TRMT1: variants seen among roughly 807,000 people sequenced by gnomAD.
TRMT1 encodes tRNA methyltransferase 1.
A neutral mutation model predicts 75.4 loss-of-function variants in TRMT1; 63 were observed. That is an observed-to-expected ratio of 0.84 (90% CI 0.68 to 1.03). TRMT1 has a LOEUF of 1.03. TRMT1 is among the 50% of genes least tolerant of loss of function. The probability of loss-of-function intolerance (pLI) is 0.00; values close to 1 mark genes in which losing one functional copy is unlikely to be tolerated. For synonymous variants in TRMT1, 382 were observed against 358.1 expected (o/e 1.07, Z -0.75); for missense variants, 870 against 905.3 (o/e 0.96, Z 0.50).
At chr19:13,107,518 A>G (rs938505969) in intron 14 of TRMT1, 56 bp downstream of exon 14, 3 of 1,544,826 alleles carry the variant, frequency 1.9e-6, no homozygotes, top group Non-Finnish European at 2.6e-6. Flanking sequence ...CTGCACACAC[A>G]TGTGCTTCCA....
At chr19:13,109,132 G>GTA (rs1431011350) in intron 12 of TRMT1, among the ~76,000 whole-genome samples, 1 of 151,484 alleles carries the variant, frequency 6.6e-6, no homozygotes, top group Non-Finnish European at 1.5e-5. Context: ...GTATGTGTGT[G>GTA]TATATGTATG....
Position 13,105,483 on chromosome 19 carries a change from TCACCCTGGC to T in TRMT1, c.1698_1703+3del. 1 of 1,613,824 alleles carries T rather than the reference TCACCCTGGC, an allele frequency of 6.2e-7. No individual in the cohort carries two copies. Among genetic ancestry groups the T allele is most frequent in the South Asian group, 1.1e-5 (1 of 91,072 alleles). On this transcript the variant is annotated splice_donor_variant and splice_donor_region_variant and coding_sequence_variant and intron_variant, in exon 15 of 17. Coordinates refer to ENST00000357720, the MANE Select transcript of TRMT1 (RefSeq NM_001136035.4). LOFTEE classifies it high-confidence loss of function. ...AGCCCCACCCCCACCTTACCACCAC[TCACCCTGGC>T]CGGGCACGAGGCCGGGGACCCCAGT... is the stretch of plus-strand genomic sequence containing the variant.
In TRMT1 at chr19:13,109,632, C is replaced by T. The variant is rs143782952; in HGVS notation, c.1229G>A (p.Arg410His). 30 of 1,613,958 alleles carry T rather than the reference C, an allele frequency of 1.9e-5. 1 individual carries two copies. The highest frequency in any genetic ancestry group is 6.7e-5 in the African/African-American group (5 of 75,026). The change falls in exon 11 of 17, where the codon CGT becomes CAT. Residue 410 changes from arginine (R) to histidine (H), a missense_variant. Arg to His is a conservative substitution (Grantham distance 29, BLOSUM62 0). Transcript: ENST00000357720. Reference sequence around the variant, plus strand: ...GTTAGCGCTCACAGCCTCCAGGACACGGCCCACAAAATCCAGGTCATGGAT... The same window carrying T: ...GTTAGCGCTCACAGCCTCCAGGACATGGCCCACAAAATCCAGGTCATGGAT... ...EPIHDLDFVG[R>H]VLEAVSANPG...
In TRMT1 at chr19:13,105,410, G is replaced by T; in HGVS notation, c.1704-14C>A. The stretch of plus-strand genomic sequence containing the variant: ...GCCGCCTTGCCCCTGTGCGAGGGGA[G>T]GAGTAGGTGGGACCCCATCTGCCCT... On this transcript the variant is annotated splice_polypyrimidine_tract_variant and intron_variant, in intron 15 of 16. Transcript: ENST00000357720. 6.2e-7 allele frequency: 1 copy of T among 1,613,608 alleles called. No individual in the cohort carries two copies. The highest frequency in any genetic ancestry group is 8.5e-7 in the Non-Finnish European group (1 of 1,179,964).
chr19:13,110,043 C>G, intron 8 of TRMT1, 42 bp from the exon 9 acceptor site: 1 of 1,612,412 alleles, frequency 6.2e-7, no homozygotes. Flanking sequence ...AGCGTGACCA[C>G]GACACCCCAA....
At chr19:13,105,746 A>C in intron 14 of TRMT1, 140 bp from the exon 15 acceptor site, 2 of 931,548 alleles carry the variant, frequency 2.1e-6, no homozygotes, top group Non-Finnish European at 3.2e-6. Context: ...CATCTAATAA[A>C]CATTTTTGGT....
intron 3 of TRMT1, 56 bp downstream of exon 3, chr19:13,115,941 G>A: frequency 6.2e-7 from 1 of 1,613,242 alleles, no homozygotes; most frequent in Non-Finnish European, 8.5e-7. Flanking sequence ...AAGAGCCCAG[G>A]CAGGGAGATA....
chr19:13,109,268 G>C lies in TRMT1; in HGVS notation c.1397+113C>G, dbSNP rs10407763. 22,994 of 1,236,590 alleles carry C rather than the reference G, an allele frequency of 0.019. 2,088 individuals carry two copies. In the African/African-American group the frequency reaches 0.24, roughly 13 times the overall value. 76.6% of individuals were successfully genotyped at this position (1,236,590 alleles called of 1,614,324 possible). A position where few individuals can be genotyped will look rare whatever the true frequency, so the allele number is the denominator to read the frequency against. Reference sequence around the variant, plus strand: ...GTACTGGGATTACAGGAATGAGACAGTGCACCGGGTTCTCCCCACCCCCTC... The same window carrying C: ...GTACTGGGATTACAGGAATGAGACACTGCACCGGGTTCTCCCCACCCCCTC... On this transcript the variant is annotated intron_variant, in intron 12 of 16. Coordinates refer to ENST00000357720, the MANE Select transcript of TRMT1 (RefSeq NM_001136035.4).
chr19:13,108,817 C>G (rs1432067848), intron 12 of TRMT1, among the ~76,000 whole-genome samples: 1 of 151,904 alleles, frequency 6.6e-6, no homozygotes, highest in Non-Finnish European at 1.5e-5. Flanking sequence ...ACCATTTTGA[C>G]CACGCTGGTC....
chr19:13,115,834 C>A, intron 3 of TRMT1, 66 bp from the exon 4 acceptor site: 8 of 1,609,208 alleles, frequency 5.0e-6, no homozygotes, highest in Non-Finnish European at 6.8e-6. Context: ...TCCCCTTAAT[C>A]TCCAAAATAT....
chr19:13,107,827 G>A lies in TRMT1; in HGVS notation c.1430C>T (p.Ser477Leu), dbSNP rs2018949082. ...SALLHADFRVSLSHACKNAVK... is the reference protein window; with the variant it reads ...SALLHADFRVLLSHACKNAVK... ...AGCGTTCTTACAGGCGTGGGAGAGT[G>A]AGACCCGGAAGTCAGCGTGGAGGAG... Residue 477 changes from serine (S) to leucine (L), a missense_variant, in exon 13 of 17, where the codon TCA becomes TTA. Transcript: ENST00000357720. 2 of 1,551,770 alleles carry A rather than the reference G, an allele frequency of 1.3e-6. No individual in the cohort carries two copies. Among genetic ancestry groups the A allele is most frequent in the Non-Finnish European group, 1.7e-6 (2 of 1,147,074 alleles).
At chr19:13,114,516 G>A (rs1308214153) in intron 5 of TRMT1, among the ~76,000 whole-genome samples, 2 of 152,194 alleles carry the variant, frequency 1.3e-5, no homozygotes, top group Non-Finnish European at 2.9e-5. Context: ...AATACAGGTG[G>A]GTGTGGTAGC....
At position 13,115,363 on chromosome 19, in the gene TRMT1, G is replaced by A. The variant is rs762553420; in HGVS notation, c.557C>T (p.Ser186Phe). The change falls in exon 5 of 17, where the codon TCC (serine) becomes TTC (phenylalanine). Residue 186 changes from serine to phenylalanine, a missense_variant. Transcript: ENST00000357720. ...GCGTATGAGATCCACAGCCCGGGTG[G>A]AGGCATCGTTTGCAACCACAGATCT... ...GLRSVVANDA[S>F]TRAVDLIRRN... is the part of the protein sequence containing the mutation. 1 of 1,614,074 alleles carries A rather than the reference G, an allele frequency of 6.2e-7. No homozygotes were observed. The highest frequency in any genetic ancestry group is 2.2e-5 in the East Asian group (1 of 44,888).
intron 12 of TRMT1, among the ~76,000 whole-genome samples, 154 bp downstream of exon 12, chr19:13,109,227 G>A (rs765709969): frequency 2.6e-5 from 4 of 151,732 alleles, no homozygotes; most frequent in African/African-American, 9.7e-5. Flanking sequence ...TGATCTTCCT[G>A]CCTCAGCCTC....
chr19:13,109,111 TACATAC>T (rs2019014495), intron 12 of TRMT1, among the ~76,000 whole-genome samples: 2 of 151,204 alleles, frequency 1.3e-5, no homozygotes, highest in African/African-American at 4.9e-5. Flanking sequence ...TGTGTGTGTA[TACATAC>T]GTATGTATGT....
rs1483357479 is a variant in TRMT1, at chr19:13,115,713, T to A, written c.366A>T (p.Gln122His). ...TQKVVVDLSE[Q>H]EEEKVELKES... Reference sequence around the variant, plus strand: ...CTTTCAGTTCAACCTTTTCCTCCTCTTGCTCTGACAAGTCCACGACCACTT... The same window carrying A: ...CTTTCAGTTCAACCTTTTCCTCCTCATGCTCTGACAAGTCCACGACCACTT... The change falls in exon 4 of 17, where the codon CAA (glutamine) becomes CAT (histidine). Residue 122 changes from glutamine (Q) to histidine (H), a missense_variant. Coordinates refer to ENST00000357720, the MANE Select transcript of TRMT1 (RefSeq NM_001136035.4). 6 of 1,614,002 alleles carry A rather than the reference T, an allele frequency of 3.7e-6. No homozygotes were observed. The highest frequency in any genetic ancestry group is 1.3e-5 in the African/African-American group (1 of 74,922).
intron 7 of TRMT1, among the ~76,000 whole-genome samples, chr19:13,112,417 A>C (rs1355575582): frequency 6.6e-6 from 1 of 152,240 alleles, no homozygotes; most frequent in East Asian, 1.9e-4. Flanking sequence ...ACCTTTAAAA[A>C]AAAAATTTTT....
At chr19:13,111,690 G>A (rs1444803755) in intron 7 of TRMT1, among the ~76,000 whole-genome samples, 4 of 148,778 alleles carry the variant, frequency 2.7e-5, no homozygotes, top group East Asian at 2.0e-4. Context: ...GAGCCACCGC[G>A]CCCGGCCTAT....
At chr19:13,108,905 T>A (rs2019002892) in intron 12 of TRMT1, among the ~76,000 whole-genome samples, 1 of 148,866 alleles carries the variant, frequency 6.7e-6, no homozygotes, top group Middle Eastern at 3.5e-3. Context: ...CCAATAAGCC[T>A]GGCCTAATTT....
Sources: allele counts gnomAD v4.1 joint callset (sites outside exome capture counted in the v4.1 genomes callset), GRCh38; gene constraint gnomAD v4.1.1; transcripts MANE v1.5; gene names NCBI Gene and HGNC (gene_info 2026-07-23, HGNC 2026-07-21).